The following RASGRP3 variants were observed in gnomAD, a reference collection of about 807,000 sequenced individuals.
RASGRP3 encodes the protein RAS guanyl releasing protein 3.
A neutral mutation model predicts 82.7 loss-of-function variants in RASGRP3; 54 were observed. The ratio of observed to expected loss-of-function variants is 0.65; its 90% CI spans 0.52 to 0.82. RASGRP3 has a LOEUF of 0.82. Among genes scored for constraint, RASGRP3 ranks in the 40% least tolerant of loss-of-function variants. The pLI, the probability that RASGRP3 is intolerant of heterozygous loss-of-function variation, is 0.00. For synonymous variants in RASGRP3, 309 were observed against 300.5 expected (o/e 1.03, Z -0.29); for missense variants, 861 against 828.9 (o/e 1.04, Z -0.48).
chr2:33,508,046 T>C (rs771402778), intron 1 of RASGRP3, among the ~76,000 whole-genome samples: 9 of 152,196 alleles, frequency 5.9e-5, no homozygotes, highest in Non-Finnish European at 1.2e-4. Context: ...ACTGATCCAT[T>C]GTCTATGGGG....
intron 1 of RASGRP3, among the ~76,000 whole-genome samples, chr2:33,484,160 C>A (rs185633135): frequency 1.7e-4 from 26 of 152,270 alleles, no homozygotes; most frequent in African/African-American, 5.5e-4. Flanking sequence ...GGAATTCTTT[C>A]CTAGGAATGT....
At chr2:33,543,728 C>T (rs1371752889) in intron 13 of RASGRP3, 101 bp downstream of exon 13, 4 of 796,120 alleles carry the variant, frequency 5.0e-6, no homozygotes, top group Non-Finnish European at 8.0e-6. Context: ...TTGACAGCTT[C>T]AACCCTGGTG....
Position 33,543,631 on chromosome 2 carries a change from A to C in RASGRP3, c.1394+4A>C, listed in dbSNP as rs1183183598. 5 of 1,559,304 alleles carry C rather than the reference A, an allele frequency of 3.2e-6. No individual in the cohort carries two copies. ...TCTGTGTTCTGGACAAAGATCAGTA[A>C]GTTTTAATTTTGTTTTATTTTAATG... is the stretch of plus-strand genomic sequence containing the variant. On this transcript the variant is annotated splice_donor_region_variant and intron_variant, in intron 13 of 17. Transcript: ENST00000403687.
chr2:33,447,873 A>T (rs1393847238), exon 2 of RASGRP3: 2 of 152,118 alleles, frequency 1.3e-5, no homozygotes, highest in African/African-American at 4.8e-5. Flanking sequence ...AACTACACCC[A>T]ATCTACCTGA....
chr2:33,478,432 G>C (rs1437064477), intron 1 of RASGRP3, among the ~76,000 whole-genome samples: 4 of 152,068 alleles, frequency 2.6e-5, no homozygotes, highest in Non-Finnish European at 5.9e-5. Flanking sequence ...TCCTGGTATA[G>C]TTTCAGATTT....
At chr2:33,546,166 G>A (rs1674720034) in intron 13 of RASGRP3, among the ~76,000 whole-genome samples, 3 of 151,576 alleles carry the variant, frequency 2.0e-5, no homozygotes, top group Non-Finnish European at 4.4e-5. Context: ...GCCCACGCCT[G>A]TAATCCCAGA....
intron 13 of RASGRP3, among the ~76,000 whole-genome samples, chr2:33,547,534 G>T (rs1674918690): frequency 6.6e-6 from 1 of 152,022 alleles, no homozygotes; most frequent in Non-Finnish European, 1.5e-5. Context: ...AGGGAAGAAA[G>T]AGATGAAGTT....
chr2:33,489,899 C>A (rs548331601), intron 1 of RASGRP3, among the ~76,000 whole-genome samples: 1 of 152,264 alleles, frequency 6.6e-6, no homozygotes, highest in African/African-American at 2.4e-5. Flanking sequence ...GACAGTTGAT[C>A]CTGGGACTTG....
chr2:33,473,022 CAGG>C (rs1017046667), upstream of RASGRP3, among the ~76,000 whole-genome samples: 6 of 151,600 alleles, frequency 4.0e-5, no homozygotes, highest in Admixed American at 3.9e-4. Context: ...AGTATTTTTT[CAGG>C]AGTTTAGTTG....
At chr2:33,457,833 A>C (rs1435084246) in intron 2 of RASGRP3, among the ~76,000 whole-genome samples, 1 of 152,174 alleles carries the variant, frequency 6.6e-6, no homozygotes. Flanking sequence ...CTACTTCAGA[A>C]AATGGTTAAA....
intron 1 of RASGRP3, among the ~76,000 whole-genome samples, chr2:33,444,548 C>T (rs1290497624): frequency 6.6e-6 from 1 of 152,168 alleles, no homozygotes; most frequent in East Asian, 1.9e-4. Flanking sequence ...AACAGAAGAG[C>T]TACGGTGCCA....
intron 1 of RASGRP3, among the ~76,000 whole-genome samples, chr2:33,510,758 A>AT (rs1328916734): frequency 6.6e-6 from 1 of 152,180 alleles, no homozygotes; most frequent in African/African-American, 2.4e-5. Context: ...AGTACGCAGC[A>AT]TTATGGAATT....
chr2:33,537,320 A>ACCCCCCC (rs1266542679), intron 11 of RASGRP3, among the ~76,000 whole-genome samples: 5 of 33,316 alleles, frequency 1.5e-4, no homozygotes, highest in South Asian at 7.8e-4. Flanking sequence ...ACACACACAC[A>ACCCCCCC]CCGCCCCCCC....
rs575661059 is a variant in RASGRP3 at position 33,497,921 on chromosome 2, C to T, written c.-260-13789C>T. 5.3e-5 allele frequency among the ~76,000 whole-genome samples: 8 copies of T among 152,210 alleles called. 1 individual carries two copies. In the South Asian group the frequency reaches 1.7e-3, roughly 32 times the overall value. On this transcript the variant is annotated intron_variant, in intron 1 of 17. Transcript: ENST00000403687. ...AGTCATAGAAGAAATGGGATTTAAA[C>T]TAGTTCTCATTTCATGATACAGATT...
At chr2:33,539,987 GA>G (rs78684398) in intron 12 of RASGRP3, 13 of 114,712 alleles carry the variant, frequency 1.1e-4, no homozygotes, top group East Asian at 4.5e-4. Context: ...GACTCCGTCT[GA>G]AAAAAAAAAA....
rs1236029131 is a variant in RASGRP3, at chr2:33,488,922, T to C, written c.-261+12215T>C. ...TTGCCTACACAAGAAACAGACATTC[T>C]GATACTAGAAAAGATTTTAGGGGTT... On this transcript the variant is annotated intron_variant, in intron 1 of 17. Coordinates refer to ENST00000403687, the MANE Select transcript of RASGRP3 (RefSeq NM_001139488.2). Among the ~76,000 whole-genome samples, 5 of 152,206 alleles carry C rather than the reference T, an allele frequency of 3.3e-5. No individual in the cohort carries two copies. In the South Asian group the frequency reaches 1.0e-3, roughly 31 times the overall value.
chr2:33,525,219 A>G (rs948024482), intron 9 of RASGRP3, among the ~76,000 whole-genome samples: 5 of 151,926 alleles, frequency 3.3e-5, no homozygotes, highest in Non-Finnish European at 4.4e-5. Flanking sequence ...TTCCTACCCT[A>G]CCTCCTGAAA....
At chr2:33,451,127 G>A (rs1271665395) in intron 2 of RASGRP3, among the ~76,000 whole-genome samples, 1 of 151,880 alleles carries the variant, frequency 6.6e-6, no homozygotes, top group Non-Finnish European at 1.5e-5. Flanking sequence ...GCCTCCCAAA[G>A]TGCTGGGATT....
chr2:33,511,961 G>C (rs1670966829), intron 2 of RASGRP3, 119 bp downstream of exon 2: 1 of 152,476 alleles, frequency 6.6e-6, no homozygotes, highest in African/African-American at 2.4e-5. Context: ...TGTATGATGA[G>C]ATTAGGGATA....
Sources: allele counts gnomAD v4.1 joint callset (sites outside exome capture counted in the v4.1 genomes callset), GRCh38; gene constraint gnomAD v4.1.1; transcripts MANE v1.5; gene names NCBI Gene and HGNC (gene_info 2026-07-23, HGNC 2026-07-21).